ATP8A1: variants seen among roughly 807,000 people sequenced by gnomAD.
The protein encoded by ATP8A1 is ATPase phospholipid transporting 8A1.
Under a neutral mutation model 177.7 loss-of-function variants are expected in ATP8A1, and 90 were observed. The ratio of observed to expected loss-of-function variants is 0.51; its 90% CI spans 0.43 to 0.60. The LOEUF is 0.60. ATP8A1 is among the 20% of genes least tolerant of loss of function. The probability of loss-of-function intolerance (pLI) is 0.00; values close to 1 mark genes in which losing one functional copy is unlikely to be tolerated. For synonymous variants in ATP8A1, 493 were observed against 485.9 expected (o/e 1.01, Z -0.19); for missense variants, 1,072 against 1,392.8 (o/e 0.77, Z 3.67).
intron 5 of ATP8A1, among the ~76,000 whole-genome samples, chr4:42,601,147 T>C (rs943894470): frequency 1.3e-5 from 2 of 148,280 alleles, no homozygotes; most frequent in Non-Finnish European, 3.0e-5. Flanking sequence ...GCCATTCTCC[T>C]GCCTCGGTCT....
intron 22 of ATP8A1, among the ~76,000 whole-genome samples, chr4:42,519,800 G>A (rs898691773): frequency 6.6e-6 from 1 of 152,160 alleles, no homozygotes; most frequent in Admixed American, 6.5e-5. Context: ...ACTATGAAGT[G>A]AAGACAAATT....
rs369085282 is a variant in ATP8A1, at chr4:42,504,231, AG to A, written c.2087-718del. ...ATTTTGAAACTCCTATGTTCAACTC[AG>A]CCCTCCTTCCTGAACTCCAGACTCT... is the stretch of plus-strand genomic sequence containing the variant. On this transcript the variant is annotated intron_variant, in intron 23 of 36. Coordinates refer to ENST00000381668, the MANE Select transcript of ATP8A1 (RefSeq NM_006095.2). 3.5e-4 allele frequency among the ~76,000 whole-genome samples: 53 copies of A among 152,326 alleles called. No individual in the cohort carries two copies. The East Asian group carries it at 5.2e-3, about 15-fold the overall frequency.
rs575080114 is a variant in ATP8A1 at position 42,543,476 on chromosome 4, T to C, written c.1722+441A>G. On this transcript the variant is annotated intron_variant, in intron 20 of 36. Transcript: ENST00000381668. ...CAATATACCAAAGCCATGTCAGAAA[T>C]TGTTATAATTAAAACAATGCAAGAC... Among the ~76,000 whole-genome samples, 6 of 152,208 alleles carry C rather than the reference T, an allele frequency of 3.9e-5. No individual in the cohort carries two copies. The South Asian group carries it at 8.3e-4, about 21-fold the overall frequency.
At chr4:42,558,039 A>G (rs1730426571) in intron 15 of ATP8A1, among the ~76,000 whole-genome samples, 2 of 151,656 alleles carry the variant, frequency 1.3e-5, no homozygotes, top group Admixed American at 1.3e-4. Context: ...CTCAAAAACA[A>G]AAACAAAAAC....
At chr4:42,616,806 G>A (rs1274273649) in intron 4 of ATP8A1, among the ~76,000 whole-genome samples, 2 of 152,192 alleles carry the variant, frequency 1.3e-5, no homozygotes, top group Non-Finnish European at 2.9e-5. Context: ...ATAGCAGTGG[G>A]TAAGAAGAAG....
At chr4:42,589,857 T>C (rs943174945) in intron 7 of ATP8A1, among the ~76,000 whole-genome samples, 3 of 152,006 alleles carry the variant, frequency 2.0e-5, no homozygotes, top group Non-Finnish European at 4.4e-5. Context: ...TTCTACTTTT[T>C]TTTTTTGCAT....
chr4:42,490,790 C>T (rs1025083650), intron 24 of ATP8A1, among the ~76,000 whole-genome samples: 7 of 152,140 alleles, frequency 4.6e-5, no homozygotes, highest in Non-Finnish European at 1.0e-4. Context: ...CCCTACTTTC[C>T]CTGAGTCCTC....
At chr4:42,431,182 T>C (rs568032753) in intron 33 of ATP8A1, among the ~76,000 whole-genome samples, 1 of 152,298 alleles carries the variant, frequency 6.6e-6, no homozygotes, top group African/African-American at 2.4e-5. Context: ...AAATTTTTAT[T>C]ATAAAATTTA....
At chr4:42,636,156 A>ACACACACGCGCGTGCGCG (rs565139270) in intron 1 of ATP8A1, among the ~76,000 whole-genome samples, 3 of 90,898 alleles carry the variant, frequency 3.3e-5, no homozygotes, top group Non-Finnish European at 5.3e-5. Context: ...ACACACACAC[A>ACACACACGCGCGTGCGCG]CGCACACACA....
intron 24 of ATP8A1, among the ~76,000 whole-genome samples, chr4:42,488,403 A>T (rs1367453857): frequency 6.6e-6 from 1 of 152,114 alleles, no homozygotes; most frequent in Non-Finnish European, 1.5e-5. Context: ...CCAGCAAAAA[A>T]AAAAACAACA....
Position 42,579,902 on chromosome 4 carries a change from A to T in ATP8A1, c.911T>A (p.Ile304Asn). 6.2e-7 allele frequency: 1 copy of T among 1,613,782 alleles called. No homozygotes were observed. Among genetic ancestry groups the T allele is most frequent in the Non-Finnish European group, 8.5e-7 (1 of 1,179,742 alleles). The change falls in exon 11 of 37, where the codon ATC (isoleucine) becomes AAC (asparagine). Residue 304 changes from isoleucine (I) to asparagine (N), a missense_variant. Ile to Asn is a moderately radical substitution (Grantham distance 149). Around this residue, in one of 5 missense-constraint regions of ATP8A1, gnomAD observed 344 missense variants for 393.5 expected, o/e 0.87. Coordinates refer to ENST00000381668, the MANE Select transcript of ATP8A1 (RefSeq NM_006095.2). ...ACAGACAAGAGACATGGCAATTAAG[A>T]TACAAAATAAAATCAAAATTTGTAC... ...TNVQILILFC[I>N]LIAMSLVCSV...
chr4:42,483,324 G>A (rs1721875603), intron 25 of ATP8A1, among the ~76,000 whole-genome samples: 1 of 145,012 alleles, frequency 6.9e-6, no homozygotes, highest in East Asian at 2.1e-4. Flanking sequence ...TGGGAAAAGA[G>A]AGAGTATGAA....
At chr4:42,462,359 A>T (rs1719264225) in intron 27 of ATP8A1, among the ~76,000 whole-genome samples, 1 of 152,188 alleles carries the variant, frequency 6.6e-6, no homozygotes, top group African/African-American at 2.4e-5. Flanking sequence ...TGCTGTGTGC[A>T]GCCAAGAGAC....
chr4:42,539,520 A>G (rs1728178790), intron 20 of ATP8A1, among the ~76,000 whole-genome samples: 1 of 152,150 alleles, frequency 6.6e-6, no homozygotes, highest in South Asian at 2.1e-4. Flanking sequence ...AAAAGGACAA[A>G]GCTGGGGGCA....
intron 22 of ATP8A1, among the ~76,000 whole-genome samples, chr4:42,513,431 C>T (rs966735317): frequency 2.6e-5 from 4 of 152,048 alleles, no homozygotes; most frequent in East Asian, 1.9e-4. Flanking sequence ...ATCTTAGTCT[C>T]GATGGCTCAA....
chr4:42,575,198 GA>G (rs766729784), intron 13 of ATP8A1, among the ~76,000 whole-genome samples: 57 of 152,188 alleles, frequency 3.7e-4, no homozygotes, highest in Non-Finnish European at 7.4e-5. Flanking sequence ...TATGTTAATG[GA>G]TTACAAATAT....
rs1328128651 is a variant in ATP8A1 at position 42,574,695 on chromosome 4, A to G, written c.1219T>C (p.Phe407Leu). 1 of 1,605,714 alleles carries G rather than the reference A, an allele frequency of 6.2e-7. No individual in the cohort carries two copies. The highest frequency in any genetic ancestry group is 8.5e-7 in the Non-Finnish European group (1 of 1,177,572). The stretch of plus-strand genomic sequence containing the variant: ...GTCAGAGTACCAGTTTTGTCAGAAA[A>G]TATGTATTTAACCTAAAAAAGTTTA... Reference protein sequence around the residue: ...NEELGQVKYIFSDKTGTLTCN... With the variant: ...NEELGQVKYILSDKTGTLTCN... Residue 407 changes from phenylalanine to leucine, a missense_variant, in exon 14 of 37, where the codon TTT becomes CTT. Phe to Leu is a conservative substitution (Grantham distance 22, BLOSUM62 0). Coordinates refer to ENST00000381668, the MANE Select transcript of ATP8A1 (RefSeq NM_006095.2).
intron 22 of ATP8A1, among the ~76,000 whole-genome samples, chr4:42,509,869 A>AAAAGTT (rs1724829119): frequency 6.6e-6 from 1 of 151,908 alleles, no homozygotes; most frequent in Admixed American, 6.6e-5. Flanking sequence ...AAAAAAAAAA[A>AAAAGTT]AAAAGTTATT....
chr4:42,644,235 G>A (rs6851867), intron 1 of ATP8A1, among the ~76,000 whole-genome samples: 51,046 of 151,998 alleles, frequency 0.34, 9,286 homozygotes, highest in African/African-American at 0.48. Flanking sequence ...AAATTCCACC[G>A]GGAAATTCAC....
Sources: allele counts gnomAD v4.1 joint callset (sites outside exome capture counted in the v4.1 genomes callset), GRCh38; gene constraint gnomAD v4.1.1; regional missense constraint gnomAD v4.1.1; transcripts MANE v1.5; gene names NCBI Gene and HGNC (gene_info 2026-07-23, HGNC 2026-07-21).